The following SLCO6A1 variants were observed in gnomAD, a reference collection of about 807,000 sequenced individuals.
SLCO6A1 encodes the protein solute carrier organic anion transporter family member 6A1.
Under a neutral mutation model 72.7 loss-of-function variants are expected in SLCO6A1, and 65 were observed. The observed-to-expected ratio is 0.89, with a 90% CI of 0.73 to 1.10. SLCO6A1 has a LOEUF of 1.10. Ranked by LOEUF, SLCO6A1 falls within the 50% of genes least tolerant of loss-of-function variation. SLCO6A1 has a pLI of 0.00. For missense variants in SLCO6A1, 874 were observed against 872.6 expected (o/e 1.00, Z -0.02); for synonymous variants, 314 against 298.2 (o/e 1.05, Z -0.55).
Position 102,498,552 on chromosome 5 carries a change from C to A in SLCO6A1, c.293G>T (p.Cys98Phe), listed in dbSNP as rs1397297334. 5 of 1,614,132 alleles carry A rather than the reference C, an allele frequency of 3.1e-6. No individual in the cohort carries two copies. Among genetic ancestry groups the A allele is most frequent in the East Asian group, 2.2e-5 (1 of 44,892 alleles). Reference protein sequence around the residue: ...PCGLGCLVSTCCECCNNIRCF... With the variant: ...PCGLGCLVSTFCECCNNIRCF... Reference sequence around the variant, plus strand: ...GCGAATGTTATTGCAACACTCACAGCAGGTGCTGACTAAGCAGCCCAAACC... The same window carrying A: ...GCGAATGTTATTGCAACACTCACAGAAGGTGCTGACTAAGCAGCCCAAACC... Residue 98 changes from cysteine (C) to phenylalanine (F), a missense_variant, in exon 1 of 14, where the codon TGC (cysteine) becomes TTC (phenylalanine). Coordinates refer to ENST00000506729, the MANE Select transcript of SLCO6A1 (RefSeq NM_173488.5).
chr5:102,386,229 C>T (rs1746409979), intron 12 of SLCO6A1, among the ~76,000 whole-genome samples: 1 of 152,060 alleles, frequency 6.6e-6, no homozygotes, highest in Admixed American at 6.6e-5. Flanking sequence ...CCTGTGTTCA[C>T]CTTGGCTAGC....
chr5:102,408,079 T>C (rs1376898), intron 9 of SLCO6A1, among the ~76,000 whole-genome samples: 98,394 of 152,024 alleles, frequency 0.65, 32,051 homozygotes, highest in African/African-American at 0.67. Context: ...ATGTCTGAAA[T>C]CATGAATAGA....
intron 5 of SLCO6A1, among the ~76,000 whole-genome samples, chr5:102,459,008 G>T (rs1750884440): frequency 6.6e-6 from 1 of 152,104 alleles, no homozygotes; most frequent in Non-Finnish European, 1.5e-5. Context: ...TACATTAAAT[G>T]CTAGGTAAGT....
chr5:102,453,068 TA>T (rs1750510378), intron 6 of SLCO6A1, among the ~76,000 whole-genome samples: 1 of 152,204 alleles, frequency 6.6e-6, no homozygotes. Context: ...TTTATCAAGA[TA>T]AAAGGAAACT....
intron 1 of SLCO6A1, among the ~76,000 whole-genome samples, chr5:102,490,436 C>T (rs1479330639): frequency 6.6e-6 from 1 of 152,078 alleles, no homozygotes; most frequent in Admixed American, 6.5e-5. Flanking sequence ...TGTATTAGTC[C>T]ATTTTCACAT....
intron 4 of SLCO6A1, among the ~76,000 whole-genome samples, chr5:102,472,892 A>T (rs1448405803): frequency 6.6e-6 from 1 of 152,084 alleles, no homozygotes; most frequent in Non-Finnish European, 1.5e-5. Context: ...ACATGGATAC[A>T]TTTCTAGAAA....
chr5:102,428,215 C>A (rs1286598233), intron 7 of SLCO6A1, among the ~76,000 whole-genome samples: 6 of 150,784 alleles, frequency 4.0e-5, no homozygotes, highest in Non-Finnish European at 8.9e-5. Flanking sequence ...TAAAACTGTT[C>A]AAAAAATAGT....
chr5:102,388,541 G>T (rs566379758), intron 12 of SLCO6A1, 147 bp downstream of exon 12: 22 of 512,234 alleles, frequency 4.3e-5, no homozygotes, highest in Middle Eastern at 5.6e-4. Flanking sequence ...TAGAGATGTG[G>T]TCTCTATTTT....
At chr5:102,398,796 A>G (rs1035729316) in intron 10 of SLCO6A1, among the ~76,000 whole-genome samples, 1 of 152,022 alleles carries the variant, frequency 6.6e-6, no homozygotes, top group African/African-American at 2.4e-5. Context: ...TTCACTGCTC[A>G]CTTTTCCTGC....
At chr5:102,395,376 T>A (rs1477912519) in intron 10 of SLCO6A1, among the ~76,000 whole-genome samples, 3 of 152,164 alleles carry the variant, frequency 2.0e-5, no homozygotes, top group Non-Finnish European at 2.9e-5. Flanking sequence ...GAACTCATCC[T>A]TTTTTATGGC....
chr5:102,457,051 G>T (rs1477642554), intron 6 of SLCO6A1, among the ~76,000 whole-genome samples: 1 of 152,184 alleles, frequency 6.6e-6, no homozygotes, highest in Non-Finnish European at 1.5e-5. Flanking sequence ...CTAGCCATGT[G>T]TAGAAAGCTG....
chr5:102,396,070 C>T (rs1467274059), intron 10 of SLCO6A1, among the ~76,000 whole-genome samples: 2 of 152,128 alleles, frequency 1.3e-5, no homozygotes, highest in African/African-American at 4.8e-5. Context: ...TCAATTTTGG[C>T]TTTTGTTGCC....
chr5:102,443,438 CT>C lies in SLCO6A1; in HGVS notation c.1132-4678del, dbSNP rs1163260528. On this transcript the variant is annotated intron_variant, in intron 6 of 13. Transcript: ENST00000506729. ...TTTCCCACTCTTCCTCTTATTCATA[CT>C]TTCCCCCAAAAGAGGAACTGACTAG... Among the ~76,000 whole-genome samples, 6 of 152,132 alleles carry C rather than the reference CT, an allele frequency of 3.9e-5. No individual in the cohort carries two copies. In the South Asian group the frequency reaches 8.3e-4, roughly 21 times the overall value.
intron 9 of SLCO6A1, among the ~76,000 whole-genome samples, chr5:102,406,756 A>T (rs973573605): frequency 3.4e-4 from 51 of 152,236 alleles, no homozygotes; most frequent in African/African-American, 1.1e-3. Context: ...AAAAAAAAAC[A>T]TTAATACTAG....
chr5:102,435,875 C>CAAAA (rs1201565012), intron 7 of SLCO6A1, among the ~76,000 whole-genome samples: 4 of 106,588 alleles, frequency 3.8e-5, no homozygotes, highest in African/African-American at 1.4e-4. Context: ...AACTCCATCT[C>CAAAA]AAAAAAAAAA....
At chr5:102,378,215 A>G (rs958839642) in intron 12 of SLCO6A1, among the ~76,000 whole-genome samples, 5 of 152,058 alleles carry the variant, frequency 3.3e-5, no homozygotes, top group Admixed American at 3.3e-4. Context: ...CATATACACC[A>G]TGGAATACTA....
chr5:102,374,368 C>A (rs1217340090), intron 12 of SLCO6A1, among the ~76,000 whole-genome samples: 1 of 152,136 alleles, frequency 6.6e-6, no homozygotes, highest in Non-Finnish European at 1.5e-5. Context: ...GTACCCCTAA[C>A]ATAGCTTACT....
At chr5:102,412,494 A>T (rs1288210903) in intron 9 of SLCO6A1, among the ~76,000 whole-genome samples, 2 of 152,262 alleles carry the variant, frequency 1.3e-5, no homozygotes, top group African/African-American at 2.4e-5. Flanking sequence ...GGTGACTCAC[A>T]TCTATAATCC....
intron 12 of SLCO6A1, among the ~76,000 whole-genome samples, chr5:102,385,118 C>T (rs1326073825): frequency 6.6e-6 from 1 of 152,078 alleles, no homozygotes; most frequent in African/African-American, 2.4e-5. Flanking sequence ...TTCTTTCTTT[C>T]AGCACGTTAA....
Sources: gnomAD v4.1 joint callset for allele counts (sites outside exome capture counted in the v4.1 genomes callset) on GRCh38, gnomAD v4.1.1 for gene constraint, MANE v1.5 for transcripts, NCBI Gene and HGNC (gene_info 2026-07-23, HGNC 2026-07-21) for gene names.